Variants in AKT3 observed in about 807,000 individuals in gnomAD.
AKT3 encodes the protein RAC-gamma serine/threonine-protein kinase.
AKT3 carries 15 observed loss-of-function variants against 65.3 expected under a neutral mutation model. That is an observed-to-expected ratio of 0.23 (90% confidence interval 0.15 to 0.35). AKT3 has a LOEUF of 0.35. Ranked by LOEUF, AKT3 falls within the 10% of genes least tolerant of loss-of-function variation. The pLI is 1.00. For synonymous variants in AKT3, 206 were observed against 183.8 expected (o/e 1.12, Z -0.98); for missense variants, 243 against 576.5 (o/e 0.42, Z 5.92).
intron 2 of AKT3, among the ~76,000 whole-genome samples, chr1:243,710,124 T>C (rs966008972): frequency 6.6e-6 from 1 of 152,184 alleles, no homozygotes; most frequent in African/African-American, 2.4e-5. Flanking sequence ...TGCAGTATTT[T>C]GATGAGGCAC....
At chr1:243,538,221 A>G (rs1344444378) in intron 12 of AKT3, among the ~76,000 whole-genome samples, 1 of 152,192 alleles carries the variant, frequency 6.6e-6, no homozygotes, top group African/African-American at 2.4e-5. Context: ...CTGTTGTATG[A>G]GAATTGGTTA....
At chr1:243,644,450 T>G (rs1297815874) in intron 5 of AKT3, among the ~76,000 whole-genome samples, 2 of 152,132 alleles carry the variant, frequency 1.3e-5, no homozygotes, top group Non-Finnish European at 2.9e-5. Flanking sequence ...AGGGGAAAAT[T>G]TCTTAATCCT....
At chr1:243,569,072 T>C (rs1331326189) in intron 9 of AKT3, among the ~76,000 whole-genome samples, 2 of 152,158 alleles carry the variant, frequency 1.3e-5, no homozygotes, top group Admixed American at 6.5e-5. Flanking sequence ...TTAGCCCACA[T>C]ACATCAAACT....
chr1:243,680,675 T>C (rs1683846579), intron 3 of AKT3, among the ~76,000 whole-genome samples: 1 of 152,044 alleles, frequency 6.6e-6, no homozygotes, highest in South Asian at 2.1e-4. Flanking sequence ...CAACAAAACA[T>C]GTCCCTCAAG....
intron 2 of AKT3, among the ~76,000 whole-genome samples, chr1:243,745,900 AG>A (rs1688447740): frequency 6.6e-6 from 1 of 152,236 alleles, no homozygotes; most frequent in African/African-American, 2.4e-5. Context: ...AATTATATAA[AG>A]TGAGCATCTG....
At chr1:243,777,315 G>A (rs974783742) in intron 2 of AKT3, among the ~76,000 whole-genome samples, 2 of 152,166 alleles carry the variant, frequency 1.3e-5, no homozygotes, top group Non-Finnish European at 2.9e-5. Context: ...AATCTGACAA[G>A]AGGTGGAGCT....
chr1:243,750,443 G>A (rs1258286727), intron 2 of AKT3, among the ~76,000 whole-genome samples: 17 of 150,760 alleles, frequency 1.1e-4, no homozygotes, highest in Admixed American at 3.3e-4. Context: ...ACGCACGCAC[G>A]CACACACGGT....
In AKT3 at chr1:243,678,283, G is replaced by A. The variant is rs981427446; in HGVS notation, c.173-13400C>T. On this transcript the variant is annotated intron_variant, in intron 3 of 13. Coordinates refer to ENST00000673466, the MANE Select transcript of AKT3 (RefSeq NM_005465.7). ...TGGTTCCAACCACAGACATAAAAAG[G>A]CCTCTTGGGTATTTACTACAGCAAC... 2.0e-5 allele frequency among the ~76,000 whole-genome samples: 3 copies of A among 152,020 alleles called. No homozygotes were observed. The South Asian group carries it at 6.2e-4, about 32-fold the overall frequency.
intron 12 of AKT3, among the ~76,000 whole-genome samples, chr1:243,520,566 A>G (rs1032902120): frequency 1.3e-5 from 2 of 152,224 alleles, no homozygotes; most frequent in South Asian, 4.1e-4. Context: ...ATAGTCATAT[A>G]TATTTCTGTA....
At chr1:243,745,612 C>A (rs934038830) in intron 2 of AKT3, among the ~76,000 whole-genome samples, 2 of 152,118 alleles carry the variant, frequency 1.3e-5, no homozygotes, top group Admixed American at 6.5e-5. Flanking sequence ...AACCTGTGAC[C>A]CTCAGGCCAC....
At chr1:243,800,137 ACT>A (rs1045728660) in intron 2 of AKT3, among the ~76,000 whole-genome samples, 1 of 152,164 alleles carries the variant, frequency 6.6e-6, no homozygotes, top group African/African-American at 2.4e-5. Context: ...AGAAAAGCAC[ACT>A]GTTTAGGAGT....
chr1:243,805,963 C>G (rs1228051016), intron 2 of AKT3, among the ~76,000 whole-genome samples: 1 of 152,142 alleles, frequency 6.6e-6, no homozygotes, highest in East Asian at 1.9e-4. Context: ...ATTAGGACTA[C>G]TCCCAAATTT....
chr1:243,735,533 C>A (rs1285800278), intron 2 of AKT3: 1 of 152,172 alleles, frequency 6.6e-6, no homozygotes, highest in Admixed American at 6.5e-5. Flanking sequence ...TTACTTTATA[C>A]CCAGAAAAAT....
Position 243,573,122 on chromosome 1 carries a change from C to T in AKT3, c.697-74G>A. On this transcript the variant is annotated intron_variant, in intron 8 of 13. Transcript: ENST00000673466. ...GGGGGAAATTAACACAAACATAAAA[C>T]ACCTCTCATCACCATATTGTGATGA... 6.6e-6 allele frequency: 10 copies of T among 1,506,742 alleles called. No individual in the cohort carries two copies. In the South Asian group the frequency reaches 9.5e-5, roughly 14 times the overall value. The allele number at this position is 1,506,742 out of a possible 1,614,324, so 93.3% of individuals were successfully genotyped here.
intron 2 of AKT3, among the ~76,000 whole-genome samples, chr1:243,719,502 T>TA (rs1686738994): frequency 6.6e-6 from 1 of 152,204 alleles, no homozygotes; most frequent in South Asian, 2.1e-4. Flanking sequence ...ATATTTTGAG[T>TA]AAACTAAATT....
intron 2 of AKT3, among the ~76,000 whole-genome samples, chr1:243,766,916 T>G (rs1214935999): frequency 2.0e-5 from 3 of 152,164 alleles, no homozygotes; most frequent in Non-Finnish European, 4.4e-5. Context: ...GAAATTGATA[T>G]TAATGAAAAA....
chr1:243,850,017 G>T, intron 1 of AKT3, 23 bp downstream of exon 1: 1 of 986,108 alleles, frequency 1.0e-6, no homozygotes, highest in South Asian at 4.5e-5. Context: ...GAGGGGGCTA[G>T]AGTTGGGGGC....
intron 2 of AKT3, among the ~76,000 whole-genome samples, chr1:243,714,473 A>C (rs1306819577): frequency 6.6e-6 from 1 of 152,194 alleles, no homozygotes; most frequent in Admixed American, 6.5e-5. Flanking sequence ...AAGATTTCTG[A>C]TATGTCACCA....
chr1:243,769,964 C>T (rs893190946), intron 2 of AKT3, among the ~76,000 whole-genome samples: 3 of 152,128 alleles, frequency 2.0e-5, no homozygotes, highest in African/African-American at 7.2e-5. Context: ...GTGTTTAATA[C>T]ACATTGCATT....
Sources: allele counts gnomAD v4.1 joint callset (sites outside exome capture counted in the v4.1 genomes callset), GRCh38; gene constraint gnomAD v4.1.1; transcripts MANE v1.5; gene names NCBI Gene and HGNC (gene_info 2026-07-23, HGNC 2026-07-21).